DDX10: variants seen among roughly 807,000 people sequenced by gnomAD.
DDX10 encodes probable ATP-dependent RNA helicase DDX10.
Under a neutral mutation model 104.3 loss-of-function variants are expected in DDX10, and 74 were observed. The ratio of observed to expected loss-of-function variants is 0.71; its 90% CI spans 0.59 to 0.86. The LOEUF (loss-of-function observed/expected upper bound fraction) is 0.86, where lower values mean the gene tolerates loss of function less well. DDX10 is among the 40% of genes least tolerant of loss of function. The probability of loss-of-function intolerance (pLI) is 0.00; values close to 1 mark genes in which losing one functional copy is unlikely to be tolerated. For synonymous variants in DDX10, 351 were observed against 353.4 expected, an observed-to-expected ratio of 0.99 and a Z score of 0.08; for missense variants, 952 against 1,040.0, an observed-to-expected ratio of 0.92 and a Z score of 1.16.
intron 4 of DDX10, 96 bp from the exon 5 acceptor site, chr11:108,678,219 G>A (rs1444772246): frequency 1.6e-6 from 2 of 1,219,570 alleles, no homozygotes; most frequent in African/African-American, 1.5e-5. Flanking sequence ...CTAAAATGTT[G>A]TGATGAAATG....
chr11:108,754,760 C>T (rs1591809956), intron 13 of DDX10, among the ~76,000 whole-genome samples: 1 of 151,866 alleles, frequency 6.6e-6, no homozygotes, highest in Non-Finnish European at 1.5e-5. Context: ...CTTTAGTTAG[C>T]CTGGGAAATC....
chr11:108,844,438 A>G (rs1016169719), intron 15 of DDX10, among the ~76,000 whole-genome samples: 1 of 152,234 alleles, frequency 6.6e-6, no homozygotes, highest in Non-Finnish European at 1.5e-5. Context: ...TGTTTACTAC[A>G]ATAGCATACA....
chr11:108,810,922 C>T (rs1433976314), intron 13 of DDX10, among the ~76,000 whole-genome samples: 1 of 152,178 alleles, frequency 6.6e-6, no homozygotes, highest in Admixed American at 6.5e-5. Context: ...ATACACACCA[C>T]ACAATCACCA....
At chr11:108,775,042 G>A (rs1229033165) in intron 13 of DDX10, among the ~76,000 whole-genome samples, 2 of 152,210 alleles carry the variant, frequency 1.3e-5, no homozygotes, top group South Asian at 4.1e-4. Flanking sequence ...AGGTCTATGA[G>A]TGACAGAGAC....
intron 6 of DDX10, among the ~76,000 whole-genome samples, chr11:108,680,155 G>C (rs909717080): frequency 1.3e-5 from 2 of 152,170 alleles, no homozygotes; most frequent in African/African-American, 4.8e-5. Flanking sequence ...AGAGCTTAAA[G>C]TATATGTGTT....
intron 16 of DDX10, among the ~76,000 whole-genome samples, chr11:108,893,722 T>C (rs2553751): frequency 0.82 from 123,819 of 151,898 alleles, 50,705 homozygotes; most frequent in South Asian, 0.88. Flanking sequence ...AATCTTAGTC[T>C]AGCAGCTCAA....
intron 17 of DDX10, chr11:108,920,741 C>A (rs1217814345): frequency 6.6e-6 from 1 of 152,204 alleles, no homozygotes; most frequent in Non-Finnish European, 1.5e-5. Flanking sequence ...CATGGACTAA[C>A]CATAAGATAG....
At chr11:108,878,481 C>G (rs1360105834) in intron 16 of DDX10, among the ~76,000 whole-genome samples, 1 of 152,064 alleles carries the variant, frequency 6.6e-6, no homozygotes, top group Non-Finnish European at 1.5e-5. Flanking sequence ...TATTGGTTTT[C>G]TTTTCTTGTT....
chr11:108,679,590 A>C, intron 6 of DDX10, 30 bp downstream of exon 6: 1 of 1,485,314 alleles, frequency 6.7e-7, no homozygotes, highest in South Asian at 1.3e-5. Flanking sequence ...ATCAAGATAA[A>C]TGTTTTTTAC....
chr11:108,914,587 T>G (rs1324956718), intron 16 of DDX10, among the ~76,000 whole-genome samples: 1 of 152,138 alleles, frequency 6.6e-6, no homozygotes, highest in Non-Finnish European at 1.5e-5. Context: ...TCAGGAAACA[T>G]GATAGAATCT....
chr11:108,852,243 C>G, intron 16 of DDX10, 34 bp downstream of exon 16: 3 of 1,552,306 alleles, frequency 1.9e-6, no homozygotes, highest in Admixed American at 3.6e-5. Context: ...TTTCCAAGCT[C>G]TATTAAGGTA....
At chr11:108,783,813 T>C (rs370687105) in intron 13 of DDX10, among the ~76,000 whole-genome samples, 2 of 152,184 alleles carry the variant, frequency 1.3e-5, no homozygotes, top group African/African-American at 4.8e-5. Flanking sequence ...ACGCCCCTTT[T>C]CCTCTCTCCC....
intron 16 of DDX10, among the ~76,000 whole-genome samples, chr11:108,854,284 GCACAAATTTCTGTGATATGTAAGGA>G (rs1319051873): frequency 6.6e-6 from 1 of 152,186 alleles, no homozygotes; most frequent in Non-Finnish European, 1.5e-5. Context: ...AGGGGTGATG[GCACAAATTTCTGTGATATGTAAGGA>G]GAAATATTAT....
chr11:108,796,587 A>G (rs946328238), intron 13 of DDX10, among the ~76,000 whole-genome samples: 2 of 152,196 alleles, frequency 1.3e-5, no homozygotes, highest in African/African-American at 4.8e-5. Context: ...CTGTCTTTAT[A>G]ATGTTGTATA....
intron 9 of DDX10, among the ~76,000 whole-genome samples, chr11:108,694,705 C>T (rs1240119614): frequency 1.3e-5 from 2 of 152,018 alleles, no homozygotes; most frequent in Non-Finnish European, 2.9e-5. Flanking sequence ...ATGGTGAAAC[C>T]CTGTCTCTAC....
intron 16 of DDX10, among the ~76,000 whole-genome samples, chr11:108,910,749 G>A (rs946966602): frequency 5.1e-5 from 6 of 117,446 alleles, no homozygotes; most frequent in African/African-American, 2.9e-4. Context: ...GTGTGTGTGT[G>A]TGTGTGTGTG....
chr11:108,929,426 A>C (rs935217689), intron 17 of DDX10: 1 of 152,236 alleles, frequency 6.6e-6, no homozygotes, highest in Non-Finnish European at 1.5e-5. Flanking sequence ...GTAGACAATT[A>C]TTATTTAAAT....
intron 13 of DDX10, among the ~76,000 whole-genome samples, chr11:108,801,285 T>C (rs2134557853): frequency 6.6e-6 from 1 of 152,346 alleles, no homozygotes; most frequent in Admixed American, 6.5e-5. Flanking sequence ...ATGACAGGTT[T>C]GATATTTTGT....
At chr11:108,715,473 A>C (rs982369470) in intron 10 of DDX10, among the ~76,000 whole-genome samples, 2 of 152,214 alleles carry the variant, frequency 1.3e-5, no homozygotes, top group Non-Finnish European at 2.9e-5. Context: ...ACAGTGAGCT[A>C]TGATTGCACC....
Sources: gnomAD v4.1 joint callset for allele counts (sites outside exome capture counted in the v4.1 genomes callset) on GRCh38, gnomAD v4.1.1 for gene constraint, MANE v1.5 for transcripts, NCBI Gene and HGNC (gene_info 2026-07-23, HGNC 2026-07-21) for gene names.